IRF1: variants seen among roughly 807,000 people sequenced by gnomAD.
The protein encoded by IRF1 is interferon regulatory factor-1.
A neutral mutation model predicts 43.7 loss-of-function variants in IRF1; 13 were observed. The ratio of observed to expected loss-of-function variants is 0.30; its 90% CI spans 0.19 to 0.47. The LOEUF (loss-of-function observed/expected upper bound fraction) is 0.47. Ranked by LOEUF, IRF1 falls within the 20% of genes least tolerant of loss-of-function variation. The pLI, the probability that IRF1 is intolerant of heterozygous loss-of-function variation, is 0.99. For missense variants in IRF1, 236 were observed against 408.9 expected (o/e 0.58, Z 3.65); for synonymous variants, 138 against 146.8 (o/e 0.94, Z 0.43).
At chr5:132,489,237 TG>T in intron 2 of IRF1, 154 bp downstream of exon 2, 1 of 636,220 alleles carries the variant, frequency 1.6e-6, no homozygotes. Flanking sequence ...AGGCCCAGGC[TG>T]GGCCGTGCAC....
chr5:132,481,767 C>G lies in IRF1; in HGVS notation c.*2184G>C, dbSNP rs1357330152. The G allele has an allele frequency of 6.6e-6, 1 of 152,310 alleles. No homozygotes were observed. Among genetic ancestry groups the G allele is most frequent in the Admixed American group, 6.5e-5 (1 of 15,282 alleles). The allele number at this position is 152,310 out of a possible 1,614,324, so 9.4% of individuals were successfully genotyped here. On this transcript the variant is annotated 3_prime_UTR_variant, in exon 10 of 10. Coordinates refer to ENST00000245414, the MANE Select transcript of IRF1 (RefSeq NM_002198.3). ...TTTCATCACTCTAGAAACTGGATGG[C>G]AAGTGCTACCCAGCACAGCAGCCGT... is the stretch of plus-strand genomic sequence containing the variant.
Position 132,483,697 on chromosome 5 carries a change from G to A in IRF1, c.*254C>T. ...GACACTGACTCCTGTCCAAGTCCCT[G>A]ACCTGATACACTGGTCTCAGAACCT... is the stretch of plus-strand genomic sequence containing the variant. On this transcript the variant is annotated 3_prime_UTR_variant, in exon 10 of 10. Coordinates refer to ENST00000245414, the MANE Select transcript of IRF1 (RefSeq NM_002198.3). 1 of 457,830 alleles carries A rather than the reference G, an allele frequency of 2.2e-6. No individual in the cohort carries two copies. The highest frequency in any genetic ancestry group is 2.6e-5 in the South Asian group (1 of 38,892). 28.4% of individuals were successfully genotyped at this position (457,830 alleles called of 1,614,324 possible).
intron 2 of IRF1, 85 bp from the exon 3 acceptor site, chr5:132,488,110 A>G: frequency 1.0e-6 from 1 of 998,690 alleles, no homozygotes; most frequent in Non-Finnish European, 1.6e-6. Flanking sequence ...AGGCCTGCCC[A>G]GCCAGACAGG....
chr5:132,484,615 A>C, intron 8 of IRF1, 118 bp from the exon 9 acceptor site: 1 of 1,310,822 alleles, frequency 7.6e-7, no homozygotes, highest in Non-Finnish European at 1.1e-6. Context: ...CATTTTCACA[A>C]TCTCAGATAG....
intron 6 of IRF1, 85 bp from the exon 7 acceptor site, chr5:132,486,458 C>G: frequency 6.2e-7 from 1 of 1,610,418 alleles, no homozygotes; most frequent in Non-Finnish European, 8.5e-7. Flanking sequence ...AACCCTGCAG[C>G]CTGCACTAAT....
rs777471068 is a variant in IRF1, at chr5:132,486,582, C to T, written c.519G>A (p.Leu173=). 2 of 1,614,156 alleles carry T rather than the reference C, an allele frequency of 1.2e-6. No individual in the cohort carries two copies. The highest frequency in any genetic ancestry group is 1.1e-5 in the South Asian group (1 of 91,076). Residue 173 remains leucine, a synonymous_variant, in exon 6 of 10, where the codon TTG becomes TTA. Transcript: ENST00000245414. The part of the protein sequence containing the change: ...SYTVPGYMQD[L]EVEQALTPAL... ...CTGGAGTCAGGGCCTGCTCCACCTC[C>T]AAGTCCTGCATGTAGCCTGGAACTG...
In IRF1 at chr5:132,483,748, T is replaced by A. The variant is rs1308745616; in HGVS notation, c.*203A>T. ...CATCTTCCCAGGAGGCAGGGCCAGC[T>A]TTACACCACAAGAAAAACCCAGACA... On this transcript the variant is annotated 3_prime_UTR_variant, in exon 10 of 10. Coordinates refer to ENST00000245414, the MANE Select transcript of IRF1 (RefSeq NM_002198.3). 1.7e-6 allele frequency: 1 copy of A among 587,292 alleles called. No individual in the cohort carries two copies. The highest frequency in any genetic ancestry group is 1.9e-5 in the African/African-American group (1 of 53,340). The allele number at this position is 587,292 out of a possible 1,614,324, so 36.4% of individuals were successfully genotyped here. A position where few individuals can be genotyped will look rare whatever the true frequency, so the allele number is the denominator to read the frequency against.
chr5:132,485,514 A>G, intron 8 of IRF1, 153 bp downstream of exon 8: 1 of 741,166 alleles, frequency 1.3e-6, no homozygotes, highest in Non-Finnish European at 2.5e-6. Flanking sequence ...CTTTCCCACC[A>G]GTCAAGCCAC....
chr5:132,485,938 T>G, intron 7 of IRF1: 1 of 580,718 alleles, frequency 1.7e-6, no homozygotes. Flanking sequence ...GCCACGCCGC[T>G]TCCCACCCCT....
chr5:132,485,446 G>A, intron 8 of IRF1: 1 of 582,162 alleles, frequency 1.7e-6, no homozygotes, highest in Non-Finnish European at 3.2e-6. Context: ...CCCAAGGCTT[G>A]CTTCAGGACG....
chr5:132,490,588 G>C lies in IRF1; in HGVS notation c.-49C>G, dbSNP rs990908217. 6.6e-6 allele frequency: 1 copy of C among 152,196 alleles called. No individual in the cohort carries two copies. The highest frequency in any genetic ancestry group is 2.4e-5 in the African/African-American group (1 of 41,452). 9.4% of individuals were successfully genotyped at this position (152,196 alleles called of 1,614,324 possible). On this transcript the variant is annotated 5_prime_UTR_variant, in exon 1 of 10. Coordinates refer to ENST00000245414, the MANE Select transcript of IRF1 (RefSeq NM_002198.3). The surrounding 1 kb of genome is among the most constrained non-coding windows in gnomAD (Gnocchi z 5.8). ...TCGGCGGTCGCGCGCGAGGGTCCCG[G>C]CGACGCAGGGGCTGCAGTGAGGGCG...
intron 2 of IRF1, 72 bp downstream of exon 2, chr5:132,489,320 T>G (rs1754637190): frequency 6.1e-6 from 7 of 1,150,204 alleles, no homozygotes; most frequent in Non-Finnish European, 9.2e-6. Context: ...TTGAGCTGCA[T>G]CTGAAGCTTT....
chr5:132,488,562 CAT>C (rs1179489864), intron 2 of IRF1: 1 of 153,370 alleles, frequency 6.5e-6, no homozygotes, highest in Non-Finnish European at 1.5e-5. Context: ...AATGAGAAAA[CAT>C]ATCCAACAAA....
rs1172892111 is a variant in IRF1 at position 132,486,892 on chromosome 5, A to C, written c.365-48T>G. 4 of 1,613,926 alleles carry C rather than the reference A, an allele frequency of 2.5e-6. No individual in the cohort carries two copies. In the African/African-American group the frequency reaches 5.3e-5, roughly 22 times the overall value. The stretch of plus-strand genomic sequence containing the variant: ...GCCTTGGTGCAGGCTCTCCAGCCCC[A>C]GCTGACCTCCTTCTACCCTCCCTCC... On this transcript the variant is annotated intron_variant, in intron 4 of 9. Coordinates refer to ENST00000245414, the MANE Select transcript of IRF1 (RefSeq NM_002198.3).
rs770420063 is a variant in IRF1, at chr5:132,488,075, G to A, written c.88-50C>T. On this transcript the variant is annotated intron_variant, in intron 2 of 9. Transcript: ENST00000245414. The stretch of plus-strand genomic sequence containing the variant: ...AGGCTGTGTCAGGTCAGAGACCACA[G>A]ACTTTGGGGCTGAGTCTGAGACCCA... 9 of 1,426,450 alleles carry A rather than the reference G, an allele frequency of 6.3e-6. No homozygotes were observed. The African/African-American group carries it at 7.0e-5, about 11-fold the overall frequency. The allele number at this position is 1,426,450 out of a possible 1,614,324, so 88.4% of individuals were successfully genotyped here.
At position 132,488,040 on chromosome 5, in the gene IRF1, C is replaced by T. The variant is rs1011241942; in HGVS notation, c.88-15G>A. The T allele has an allele frequency of 1.9e-6, 3 of 1,582,224 alleles. No homozygotes were observed. Among genetic ancestry groups the T allele is most frequent in the South Asian group, 2.2e-5 (2 of 90,474 alleles). On this transcript the variant is annotated splice_polypyrimidine_tract_variant and intron_variant, in intron 2 of 9. Coordinates refer to ENST00000245414, the MANE Select transcript of IRF1 (RefSeq NM_002198.3). Reference sequence around the variant, plus strand: ...ATCATCTCCTCCTGAACAATACACACATACACATAAGGCTGTGTCAGGTCA... The same window carrying T: ...ATCATCTCCTCCTGAACAATACACATATACACATAAGGCTGTGTCAGGTCA...
chr5:132,484,230 G>A (rs1482961821), intron 9 of IRF1, 132 bp downstream of exon 9: 9 of 1,417,478 alleles, frequency 6.3e-6, no homozygotes, highest in Admixed American at 3.8e-5. Context: ...CATGGCAGCC[G>A]TAGCTAATTC....
chr5:132,483,523 C>T lies in IRF1; in HGVS notation c.*428G>A, dbSNP rs34850771. The stretch of plus-strand genomic sequence containing the variant: ...TGAAAAGGGGGTAGTTCTTTGGGAA[C>T]GAGATTCATTTAGTGCAATTTTCTC... On this transcript the variant is annotated 3_prime_UTR_variant, in exon 10 of 10. Coordinates refer to ENST00000245414, the MANE Select transcript of IRF1 (RefSeq NM_002198.3). The T allele has an allele frequency of 7.8e-3, 1,263 of 160,946 alleles. 24 individuals are homozygous for T. The highest frequency in any genetic ancestry group is 0.029 in the African/African-American group (1,212 of 41,680). The allele number at this position is 160,946 out of a possible 1,614,324, so 10.0% of individuals were successfully genotyped here. A position where few individuals can be genotyped will look rare whatever the true frequency, so the allele number is the denominator to read the frequency against.
Position 132,483,125 on chromosome 5 carries a change from T to G in IRF1, c.*826A>C, listed in dbSNP as rs1213604634. The G allele has an allele frequency of 8.5e-6, 1 of 117,328 alleles. No homozygotes were observed. 7.3% of individuals were successfully genotyped at this position (117,328 alleles called of 1,614,324 possible). A position where few individuals can be genotyped will look rare whatever the true frequency, so the allele number is the denominator to read the frequency against. On this transcript the variant is annotated 3_prime_UTR_variant, in exon 10 of 10. Coordinates refer to ENST00000245414, the MANE Select transcript of IRF1 (RefSeq NM_002198.3). ...TTTATAAAAAGACAAATGTACATAT[T>G]TACACACGTCCTTATGTGTTCACAC...
Sources: allele counts gnomAD v4.1 joint callset, GRCh38; gene constraint gnomAD v4.1.1; non-coding constraint Gnocchi (gnomAD v3.1); transcripts MANE v1.5; gene names NCBI Gene and HGNC (gene_info 2026-07-23, HGNC 2026-07-21).